Variants in TMEM74 observed in about 807,000 individuals in gnomAD.
TMEM74 encodes transmembrane protein 74.
In TMEM74, 13 loss-of-function variants were observed where a neutral mutation model predicts 18.1. That is an observed-to-expected ratio of 0.72 (90% CI 0.47 to 1.14). The LOEUF (loss-of-function observed/expected upper bound fraction) is 1.14, where lower values mean the gene tolerates loss of function less well. Ranked by LOEUF, TMEM74 falls within the 50% of genes most tolerant of loss-of-function variation. The probability of loss-of-function intolerance (pLI) is 0.00; values close to 1 mark genes in which losing one functional copy is unlikely to be tolerated. For missense variants in TMEM74, 372 were observed against 375.9 expected (o/e 0.99, Z 0.09); for synonymous variants, 159 against 146.6 (o/e 1.08, Z -0.61).
intron 1 of TMEM74, among the ~76,000 whole-genome samples, chr8:108,733,377 A>G (rs978712734): frequency 2.0e-5 from 3 of 152,194 alleles, no homozygotes; most frequent in Admixed American, 6.5e-5. Flanking sequence ...GATGTTGAGT[A>G]AGAGAGAAAC....
chr8:108,639,710 G>T (rs1216597339), intron 2 of TMEM74, among the ~76,000 whole-genome samples: 1 of 152,004 alleles, frequency 6.6e-6, no homozygotes, highest in Non-Finnish European at 1.5e-5. Flanking sequence ...TGCCCCTCCA[G>T]TCATAATGAC....
chr8:108,699,145 TTTCC>T (rs150848011), intron 1 of TMEM74, among the ~76,000 whole-genome samples: 1,591 of 68,734 alleles, frequency 0.023, 67 homozygotes, highest in African/African-American at 0.075. Flanking sequence ...CCCTCCCTCT[TTTCC>T]TTCCTTCCTT....
intron 1 of TMEM74, among the ~76,000 whole-genome samples, chr8:108,701,574 G>T (rs547922680): frequency 4.6e-5 from 7 of 152,084 alleles, no homozygotes; most frequent in Non-Finnish European, 1.0e-4. Flanking sequence ...ACATACAAAG[G>T]TCAATTGCTT....
chr8:108,768,779 A>G (rs1814138389), intron 1 of TMEM74, among the ~76,000 whole-genome samples: 1 of 152,170 alleles, frequency 6.6e-6, no homozygotes, highest in South Asian at 2.1e-4. Context: ...CCTAAGGATC[A>G]TGGAATTCTA....
At chr8:108,607,210 G>A (rs566064651) in exon 4 of TMEM74, 9 of 152,306 alleles carry the variant, frequency 5.9e-5, no homozygotes, top group Admixed American at 1.3e-4. Context: ...TCCAGCTTTT[G>A]ATGTTCAGAA....
At chr8:108,629,238 T>C (rs1193005019) in intron 2 of TMEM74, among the ~76,000 whole-genome samples, 1 of 151,900 alleles carries the variant, frequency 6.6e-6, no homozygotes. Context: ...ATATCAGAGA[T>C]TGAAGATCAA....
chr8:108,644,662 C>A (rs951986480), intron 2 of TMEM74, among the ~76,000 whole-genome samples: 2 of 152,060 alleles, frequency 1.3e-5, no homozygotes, highest in Admixed American at 1.3e-4. Flanking sequence ...CAAACAAAAA[C>A]AAACAACCCT....
intron 2 of TMEM74, among the ~76,000 whole-genome samples, chr8:108,634,059 G>A (rs933595283): frequency 1.3e-5 from 2 of 151,932 alleles, no homozygotes; most frequent in South Asian, 2.1e-4. Flanking sequence ...AAAAGTTACC[G>A]GCAAACTGAG....
At chr8:108,733,876 T>C (rs917313210) in intron 1 of TMEM74, among the ~76,000 whole-genome samples, 15 of 152,226 alleles carry the variant, frequency 9.9e-5, no homozygotes, top group Non-Finnish European at 1.9e-4. Flanking sequence ...AATGTGGCTC[T>C]GGTTTAGCTG....
chr8:108,695,327 TAGA>T (rs764420617), intron 1 of TMEM74, among the ~76,000 whole-genome samples: 16 of 152,200 alleles, frequency 1.1e-4, no homozygotes, highest in Non-Finnish European at 2.4e-4. Context: ...AGGAGATTCG[TAGA>T]AGAAGTTAGT....
chr8:108,750,860 G>C (rs2130652744), intron 1 of TMEM74, among the ~76,000 whole-genome samples: 1 of 152,180 alleles, frequency 6.6e-6, no homozygotes, highest in South Asian at 2.1e-4. Flanking sequence ...ACTTGACCTT[G>C]GTGCCTGCTT....
At chr8:108,755,476 C>T (rs2130655682) in intron 1 of TMEM74, among the ~76,000 whole-genome samples, 1 of 152,208 alleles carries the variant, frequency 6.6e-6, no homozygotes, top group East Asian at 1.9e-4. Flanking sequence ...CTAGAAGTCC[C>T]ACTTAAAACT....
intron 1 of TMEM74, among the ~76,000 whole-genome samples, chr8:108,703,564 G>T (rs1191974264): frequency 1.3e-5 from 2 of 152,122 alleles, no homozygotes; most frequent in Admixed American, 6.5e-5. Context: ...ACTGCATTAG[G>T]GTCATAGAAG....
intron 1 of TMEM74, among the ~76,000 whole-genome samples, chr8:108,715,238 A>G (rs959279769): frequency 1.3e-5 from 2 of 152,042 alleles, no homozygotes; most frequent in African/African-American, 4.8e-5. Flanking sequence ...GTACTTATGG[A>G]CACAAAGATG....
At chr8:108,773,067 G>A (rs538507056) in intron 1 of TMEM74, among the ~76,000 whole-genome samples, 2 of 152,160 alleles carry the variant, frequency 1.3e-5, no homozygotes, top group East Asian at 3.9e-4. Context: ...TATTTTGATT[G>A]AGAATTGGGC....
intron 2 of TMEM74, among the ~76,000 whole-genome samples, chr8:108,646,796 CA>C (rs11339999): frequency 0.014 from 2,083 of 152,212 alleles, 62 homozygotes; most frequent in African/African-American, 0.046. Context: ...CTTCATAACT[CA>C]GGTTATAAAA....
chr8:108,766,363 TG>T (rs1814107465), intron 1 of TMEM74, among the ~76,000 whole-genome samples: 1 of 152,164 alleles, frequency 6.6e-6, no homozygotes, highest in African/African-American at 2.4e-5. Flanking sequence ...CTTTTTTGGC[TG>T]GGATGACAAA....
rs1563551818 is a variant in TMEM74 at position 108,785,046 on chromosome 8, G to C, written c.53C>G (p.Ala18Gly). The C allele has an allele frequency of 1.2e-6, 2 of 1,613,620 alleles. No homozygotes were observed. The change falls in exon 2 of 2, where the codon GCC becomes GGC. Residue 18 changes from alanine (A) to glycine (G), a missense_variant. Ala to Gly is a moderately conservative substitution (Grantham distance 60). Coordinates refer to ENST00000297459, the MANE Select transcript of TMEM74 (RefSeq NM_153015.3). ...CAGCCCTCTTGAACTCCAGTCCCTGGCATCACAGAGGTCTGCCTGGTTGCT... is the reference window on the plus strand; with the variant it reads ...CAGCCCTCTTGAACTCCAGTCCCTGCCATCACAGAGGTCTGCCTGGTTGCT... The part of the protein sequence containing the change: ...KKSNQADLCD[A>G]RDWSSRGLPG...
intron 1 of TMEM74, among the ~76,000 whole-genome samples, chr8:108,683,849 A>G (rs989554519): frequency 3.3e-5 from 5 of 152,038 alleles, no homozygotes; most frequent in Non-Finnish European, 7.4e-5. Flanking sequence ...GAGAACATGC[A>G]ATGTTTAACT....
Sources: gnomAD v4.1 joint callset for allele counts (sites outside exome capture counted in the v4.1 genomes callset) on GRCh38, gnomAD v4.1.1 for gene constraint, MANE v1.5 for transcripts, NCBI Gene and HGNC (gene_info 2026-07-23, HGNC 2026-07-21) for gene names.